Variants in SLC35F3 observed in about 807,000 individuals in gnomAD.
The protein encoded by SLC35F3 is putative thiamine transporter SLC35F3.
SLC35F3 carries 25 observed loss-of-function variants against 49.9 expected under a neutral mutation model. The ratio of observed to expected loss-of-function variants is 0.50; its 90% CI spans 0.37 to 0.70. SLC35F3 has a LOEUF of 0.70. Ranked by LOEUF, SLC35F3 falls within the 30% of genes least tolerant of loss-of-function variation. SLC35F3 has a pLI of 0.00. For synonymous variants in SLC35F3, 275 were observed against 265.4 expected, an observed-to-expected ratio of 1.04 and a Z score of -0.35; for missense variants, 525 against 639.8, an observed-to-expected ratio of 0.82 and a Z score of 1.94.
chr1:233,937,796 C>T (rs111964295), intron 2 of SLC35F3, among the ~76,000 whole-genome samples: 4 of 152,080 alleles, frequency 2.6e-5, no homozygotes, highest in Non-Finnish European at 5.9e-5. Flanking sequence ...AGTGGGGATG[C>T]AGAAGGTGAG....
chr1:234,091,417 C>T (rs1665042681), intron 2 of SLC35F3, among the ~76,000 whole-genome samples: 1 of 152,206 alleles, frequency 6.6e-6, no homozygotes, highest in Non-Finnish European at 1.5e-5. Context: ...CTGCCTTAAT[C>T]AGCTTATTTG....
chr1:233,936,653 C>T (rs1203100245), intron 2 of SLC35F3, among the ~76,000 whole-genome samples: 1 of 151,734 alleles, frequency 6.6e-6, no homozygotes, highest in African/African-American at 2.4e-5. Context: ...TCTTCTCCTC[C>T]TCCTTTCTTC....
At chr1:234,147,876 G>A (rs1465512222) in intron 2 of SLC35F3, among the ~76,000 whole-genome samples, 1 of 152,222 alleles carries the variant, frequency 6.6e-6, no homozygotes, top group Non-Finnish European at 1.5e-5. Flanking sequence ...TGTTCAGGAT[G>A]GACCTGGTGA....
intron 2 of SLC35F3, among the ~76,000 whole-genome samples, chr1:234,137,670 G>A (rs1665831526): frequency 6.6e-6 from 1 of 152,176 alleles, no homozygotes; most frequent in African/African-American, 2.4e-5. Flanking sequence ...TACATGCTCA[G>A]GGAAGACTTG....
chr1:234,033,444 G>C (rs1664091537), intron 2 of SLC35F3, among the ~76,000 whole-genome samples: 1 of 152,158 alleles, frequency 6.6e-6, no homozygotes, highest in Non-Finnish European at 1.5e-5. Context: ...CCAATGTCTA[G>C]AAGGGTTTTT....
chr1:233,963,948 C>T (rs2102813209), intron 2 of SLC35F3, among the ~76,000 whole-genome samples: 1 of 152,328 alleles, frequency 6.6e-6, no homozygotes, highest in South Asian at 2.1e-4. Context: ...GCCCATACCC[C>T]AGATCTCAGC....
At chr1:234,155,393 C>CTGACGATGATGATGATGATGATGATGA (rs1553310138) in intron 2 of SLC35F3, among the ~76,000 whole-genome samples, 1 of 99,574 alleles carries the variant, frequency 1.0e-5, no homozygotes, top group African/African-American at 5.0e-5. Context: ...TGCTATTCAC[C>CTGACGATGATGATGATGATGATGATGA]TGATTATTAT....
At chr1:234,228,448 G>A (rs1397973927) in intron 2 of SLC35F3, among the ~76,000 whole-genome samples, 1 of 152,122 alleles carries the variant, frequency 6.6e-6, no homozygotes, top group Non-Finnish European at 1.5e-5. Context: ...GACATAGACT[G>A]TCCATTCCTG....
intron 2 of SLC35F3, among the ~76,000 whole-genome samples, chr1:234,100,450 G>A (rs753633338): frequency 2.7e-4 from 41 of 152,356 alleles, no homozygotes; most frequent in Middle Eastern, 3.4e-3. Flanking sequence ...AAGGCAGAGA[G>A]GTAGCCAAGA....
At chr1:233,952,653 T>C (rs1662626827) in intron 2 of SLC35F3, among the ~76,000 whole-genome samples, 1 of 152,194 alleles carries the variant, frequency 6.6e-6, no homozygotes, top group South Asian at 2.1e-4. Context: ...ACCCCTGCTG[T>C]GGTGAACAAA....
At chr1:234,048,020 T>C (rs574750714) in intron 2 of SLC35F3, among the ~76,000 whole-genome samples, 2 of 152,190 alleles carry the variant, frequency 1.3e-5, no homozygotes, top group South Asian at 2.1e-4. Context: ...GAACAAGTTA[T>C]TGGAAATTGG....
At chr1:234,009,308 G>A (rs746707521) in intron 2 of SLC35F3, among the ~76,000 whole-genome samples, 3 of 152,128 alleles carry the variant, frequency 2.0e-5, no homozygotes, top group Non-Finnish European at 4.4e-5. Flanking sequence ...AGATACTTGT[G>A]GTATTTAATT....
chr1:234,320,248 A>G lies in SLC35F3; in HGVS notation c.1237+61A>G. On this transcript the variant is annotated intron_variant, in intron 7 of 7. Transcript: ENST00000366618. This position sits in a 1 kb window ranked among gnomAD's most constrained non-coding sequence, Gnocchi z 4.8. ...CACACACACTCAGTCACCTACTCAC[A>G]CACACATACACACACTCATGCATAC... The G allele has an allele frequency of 9.0e-7, 1 of 1,112,878 alleles. No individual in the cohort carries two copies. 68.9% of individuals were successfully genotyped at this position (1,112,878 alleles called of 1,614,324 possible).
intron 3 of SLC35F3, chr1:234,272,477 A>T (rs1185814259): frequency 6.6e-6 from 1 of 152,096 alleles, no homozygotes; most frequent in Non-Finnish European, 1.5e-5. Flanking sequence ...TTGTTCTGAG[A>T]TAGGGTGGAC....
At chr1:234,055,906 A>G (rs1323226616) in intron 2 of SLC35F3, among the ~76,000 whole-genome samples, 1 of 152,220 alleles carries the variant, frequency 6.6e-6, no homozygotes, top group Non-Finnish European at 1.5e-5. Flanking sequence ...ATTGGATATT[A>G]CCAGCTCACA....
At position 233,974,701 on chromosome 1, in the gene SLC35F3, A is replaced by G. The variant is rs549717921; in HGVS notation, c.283+68943A>G. Among the ~76,000 whole-genome samples, 10 of 152,330 alleles carry G rather than the reference A, an allele frequency of 6.6e-5. No individual in the cohort carries two copies. The South Asian group carries it at 2.1e-3, about 32-fold the overall frequency. On this transcript the variant is annotated intron_variant, in intron 2 of 7. Coordinates refer to ENST00000366618, the MANE Select transcript of SLC35F3 (RefSeq NM_173508.4). ...GAAGCAGTGGCTCCATGCTCTCCACAAACATGTCAGTGACATGAATGTACT... is the reference window on the plus strand; with the variant it reads ...GAAGCAGTGGCTCCATGCTCTCCACGAACATGTCAGTGACATGAATGTACT...
At chr1:234,213,468 C>G (rs537602207) in intron 2 of SLC35F3, 32 of 152,318 alleles carry the variant, frequency 2.1e-4, no homozygotes, top group African/African-American at 7.5e-4. Context: ...GATAGCAGGG[C>G]ACCTCTGATG....
At chr1:234,271,237 T>C (rs897353367) in intron 3 of SLC35F3, among the ~76,000 whole-genome samples, 1 of 152,194 alleles carries the variant, frequency 6.6e-6, no homozygotes, top group African/African-American at 2.4e-5. Flanking sequence ...TGAGATAGAC[T>C]TTCTACGTAG....
chr1:234,239,473 C>T (rs1305847241), intron 3 of SLC35F3, among the ~76,000 whole-genome samples: 2 of 152,208 alleles, frequency 1.3e-5, no homozygotes, highest in African/African-American at 4.8e-5. Flanking sequence ...AATCTCACCA[C>T]ATTTAGCAAA....
Sources: allele counts gnomAD v4.1 joint callset (sites outside exome capture counted in the v4.1 genomes callset), GRCh38; gene constraint gnomAD v4.1.1; non-coding constraint Gnocchi (gnomAD v3.1); transcripts MANE v1.5; gene names NCBI Gene and HGNC (gene_info 2026-07-23, HGNC 2026-07-21).